Variants in KDM4C observed in about 807,000 individuals in gnomAD.
KDM4C encodes lysine demethylase 4C, also known as lysine-specific demethylase 4C.
KDM4C carries 81 observed loss-of-function variants against 129.3 expected under a neutral mutation model. The observed-to-expected ratio is 0.63, with a 90% CI of 0.52 to 0.75. The LOEUF (loss-of-function observed/expected upper bound fraction) is 0.75, where lower values mean the gene tolerates loss of function less well. KDM4C is among the 30% of genes least tolerant of loss of function. The pLI is 0.00. For missense variants in KDM4C, 1,457 were observed against 1,304.0 expected (o/e 1.12, Z -1.81); for synonymous variants, 573 against 456.1 (o/e 1.26, Z -3.26).
intron 1 of KDM4C, among the ~76,000 whole-genome samples, chr9:6,791,479 T>A (rs985463380): frequency 6.6e-6 from 1 of 152,170 alleles, no homozygotes; most frequent in Non-Finnish European, 1.5e-5. Flanking sequence ...CCTCATCCCT[T>A]TCTGTCTCCA....
chr9:6,831,168 A>T (rs1394053700), intron 4 of KDM4C, among the ~76,000 whole-genome samples: 1 of 152,158 alleles, frequency 6.6e-6, no homozygotes, highest in African/African-American at 2.4e-5. Context: ...ACTATCGAAG[A>T]AATATATCAG....
chr9:7,134,778 G>A (rs188638662), intron 19 of KDM4C, among the ~76,000 whole-genome samples: 11 of 152,314 alleles, frequency 7.2e-5, no homozygotes, highest in African/African-American at 2.2e-4. Context: ...AGAATCTGAA[G>A]GCCATTTTAG....
chr9:6,805,560 T>C (rs1489725845), intron 2 of KDM4C, 39 bp from the exon 3 acceptor site: 13 of 1,475,656 alleles, frequency 8.8e-6, no homozygotes, highest in Non-Finnish European at 9.3e-7. Context: ...ACTTGGAGTA[T>C]TTTCAAGATG....
chr9:6,862,584 C>T (rs1176938802), intron 5 of KDM4C, among the ~76,000 whole-genome samples: 3 of 152,098 alleles, frequency 2.0e-5, no homozygotes, highest in African/African-American at 7.2e-5. Flanking sequence ...TGGTGGATCA[C>T]CGGAGGTCAG....
intron 5 of KDM4C, among the ~76,000 whole-genome samples, chr9:6,855,666 C>G (rs1416828049): frequency 4.6e-5 from 7 of 152,080 alleles, no homozygotes; most frequent in African/African-American, 1.4e-4. Context: ...TGTCCTTTCT[C>G]CTCTCCATTC....
intron 19 of KDM4C, among the ~76,000 whole-genome samples, chr9:7,132,852 A>G (rs975295730): frequency 1.3e-5 from 2 of 152,232 alleles, no homozygotes; most frequent in African/African-American, 2.4e-5. Flanking sequence ...CTCACTTAAC[A>G]TTCACCACTG....
intron 8 of KDM4C, chr9:6,893,675 G>A (rs60383914): frequency 0.015 from 2,302 of 152,684 alleles, 61 homozygotes; most frequent in African/African-American, 0.052. Flanking sequence ...AGGAGGAAAT[G>A]ATTAAAACTG....
Position 6,839,532 on chromosome 9 carries a change from G to A in KDM4C, c.436-9975G>A, listed in dbSNP as rs759388923. Among the ~76,000 whole-genome samples, 82 of 150,650 alleles carry A rather than the reference G, an allele frequency of 5.4e-4. 1 individual carries two copies. The highest frequency in any genetic ancestry group is 1.1e-3 in the Non-Finnish European group (72 of 67,818). On this transcript the variant is annotated intron_variant, in intron 4 of 21. Transcript: ENST00000381309. ...TGGGATTACAGGTGTGAGCCACCAC[G>A]CCTGGCCAAATTTGTCTTTTTAAAA...
At chr9:7,132,474 G>A (rs1840744940) in intron 19 of KDM4C, among the ~76,000 whole-genome samples, 1 of 152,140 alleles carries the variant, frequency 6.6e-6, no homozygotes, top group South Asian at 2.1e-4. Flanking sequence ...GAAAAAATGT[G>A]CAAAAAATTC....
At chr9:7,124,353 A>T (rs1189348591) in intron 18 of KDM4C, among the ~76,000 whole-genome samples, 1 of 152,258 alleles carries the variant, frequency 6.6e-6, no homozygotes, top group African/African-American at 2.4e-5. Flanking sequence ...CATCTGCAAG[A>T]AAGTTCTGCC....
At chr9:6,729,034 C>A (rs186180806) in intron 1 of KDM4C, among the ~76,000 whole-genome samples, 1 of 150,628 alleles carries the variant, frequency 6.6e-6, no homozygotes, top group East Asian at 2.0e-4. Flanking sequence ...TGAAACCCCA[C>A]CTCTACTAAA....
chr9:7,073,980 A>G (rs1020416652), intron 17 of KDM4C, among the ~76,000 whole-genome samples: 1 of 152,240 alleles, frequency 6.6e-6, no homozygotes, highest in Non-Finnish European at 1.5e-5. Context: ...TTAACCAGAA[A>G]TAACATTTTA....
intron 4 of KDM4C, among the ~76,000 whole-genome samples, chr9:6,846,702 T>C (rs1212998795): frequency 1.3e-5 from 2 of 152,142 alleles, no homozygotes; most frequent in Non-Finnish European, 2.9e-5. Flanking sequence ...CGGGGAGAAA[T>C]TCAGTAGTGA....
chr9:6,801,982 G>A (rs2130979639), intron 2 of KDM4C, among the ~76,000 whole-genome samples: 1 of 152,068 alleles, frequency 6.6e-6, no homozygotes, highest in Admixed American at 6.6e-5. Flanking sequence ...GCAGGCACCT[G>A]TAATCCCAGC....
At chr9:6,950,074 C>T (rs991423641) in intron 8 of KDM4C, among the ~76,000 whole-genome samples, 39 of 48,466 alleles carry the variant, frequency 8.0e-4, no homozygotes, top group South Asian at 1.5e-3. Context: ...AGTATCTTTT[C>T]TTGTTTTTTT....
At chr9:6,909,841 G>T (rs1259501436) in intron 8 of KDM4C, among the ~76,000 whole-genome samples, 1 of 152,166 alleles carries the variant, frequency 6.6e-6, no homozygotes, top group African/African-American at 2.4e-5. Flanking sequence ...ATATAGGGGA[G>T]TATTTATTTG....
rs560907214 is a variant in KDM4C, at chr9:6,728,509, G to A, written c.49+7512G>A. On this transcript the variant is annotated intron_variant, in intron 1 of 17. Coordinates refer to the KDM4C transcript ENST00000536108. ...AGATCACGCCACTGCACTCCAGCCC[G>A]GGCAAGCAAGACTCCTACTCTGAAA... is the stretch of plus-strand genomic sequence containing the variant. Among the ~76,000 whole-genome samples the A allele has an allele frequency of 1.3e-3, 191 of 150,696 alleles. 3 individuals are homozygous for A. The highest frequency in any genetic ancestry group is 3.1e-4 in the Non-Finnish European group (21 of 67,780).
chr9:6,894,903 G>C lies in KDM4C; in HGVS notation c.921+1671G>C, dbSNP rs1172522337. Among the ~76,000 whole-genome samples the C allele has an allele frequency of 3.3e-5, 5 of 152,270 alleles. No homozygotes were observed. The East Asian group carries it at 9.7e-4, about 29-fold the overall frequency. ...TCATTTATTCTTCATATATAAATTA[G>C]AAATACCTCTCTACCCTATGGGTTA... On this transcript the variant is annotated intron_variant, in intron 8 of 21. Transcript: ENST00000381309.
chr9:6,883,600 C>A (rs192341207), intron 6 of KDM4C, among the ~76,000 whole-genome samples: 2 of 152,282 alleles, frequency 1.3e-5, no homozygotes, highest in African/African-American at 4.8e-5. Context: ...ACATGAAATA[C>A]ACCCAAATAA....
Sources: allele counts gnomAD v4.1 joint callset (sites outside exome capture counted in the v4.1 genomes callset), GRCh38; gene constraint gnomAD v4.1.1; transcripts MANE v1.5; gene names NCBI Gene and HGNC (gene_info 2026-07-23, HGNC 2026-07-21).